NASP: variants seen among roughly 807,000 people sequenced by gnomAD.
NASP encodes the protein NASP histone chaperone.
In NASP, 24 loss-of-function variants were observed where a neutral mutation model predicts 89.5. The observed-to-expected ratio is 0.27, with a 90% CI of 0.19 to 0.38. NASP has a LOEUF of 0.38. Among genes scored for constraint, NASP ranks in the 10% least tolerant of loss-of-function variants. The pLI, the probability that NASP is intolerant of heterozygous loss-of-function variation, is 1.00. For synonymous variants in NASP, 306 were observed against 324.7 expected (o/e 0.94, Z 0.62); for missense variants, 848 against 921.4 (o/e 0.92, Z 1.03).
chr1:45,586,268 GTGTGTGTGTGTGTGTGGTGTGT>G (rs1196085834), intron 1 of NASP, among the ~76,000 whole-genome samples: 8 of 63,888 alleles, frequency 1.3e-4, no homozygotes, highest in Non-Finnish European at 1.9e-4. Flanking sequence ...GTGTGTGTGT[GTGTGTGTGTGTGTGTGGTGTGT>G]GTGTGTGTGT....
intron 2 of NASP, among the ~76,000 whole-genome samples, chr1:45,597,353 G>A (rs1643725928): frequency 6.8e-6 from 1 of 146,966 alleles, no homozygotes. Flanking sequence ...GGGTTTGGGT[G>A]TGGTAACAGA....
At chr1:45,597,017 T>G (rs1643714652) in intron 2 of NASP, among the ~76,000 whole-genome samples, 1 of 151,746 alleles carries the variant, frequency 6.6e-6, no homozygotes, top group African/African-American at 2.4e-5. Context: ...AAAAAGAAAT[T>G]ACCACTTGTT....
chr1:45,586,674 GTTAGTGGGGACAC>G (rs1644556172), intron 1 of NASP, among the ~76,000 whole-genome samples: 1 of 152,178 alleles, frequency 6.6e-6, no homozygotes, highest in Non-Finnish European at 1.5e-5. Flanking sequence ...AGTTAAGTAA[GTTAGTGGGGACAC>G]TTAGAGGTAA....
chr1:45,607,668 G>C lies in NASP; in HGVS notation c.757G>C (p.Glu253Gln), dbSNP rs769257156. The C allele has an allele frequency of 3.7e-6, 6 of 1,614,046 alleles. No individual in the cohort carries two copies. In the African/African-American group the frequency reaches 5.3e-5, roughly 14 times the overall value. Residue 253 changes from glutamate (E) to glutamine (Q), a missense_variant, in exon 6 of 15, where the codon GAG (glutamate) becomes CAG (glutamine). Glu to Gln is a conservative substitution (Grantham distance 29). Transcript: ENST00000350030. The stretch of plus-strand genomic sequence containing the variant: ...AGTTTCTGGAACTGATGTCCAAGAA[G>C]AGTGCAGAGAAAAAGGAGGTCAGGA... ...KSVSGTDVQE[E>Q]CREKGGQEKQ...
intron 2 of NASP, among the ~76,000 whole-genome samples, chr1:45,599,802 G>C (rs1337475043): frequency 6.6e-6 from 1 of 152,120 alleles, no homozygotes; most frequent in East Asian, 1.9e-4. Context: ...ATGTGATGCT[G>C]CTCTCTCCCT....
intron 2 of NASP, among the ~76,000 whole-genome samples, chr1:45,595,274 T>G (rs1345277786): frequency 6.6e-6 from 1 of 151,986 alleles, no homozygotes; most frequent in Non-Finnish European, 1.5e-5. Context: ...CCTCCTGAGT[T>G]GTTGGAATTA....
At chr1:45,587,661 CATATAT>C (rs1553169239) in intron 1 of NASP, among the ~76,000 whole-genome samples, 1 of 6,394 alleles carries the variant, frequency 1.6e-4, no homozygotes, top group African/African-American at 7.2e-4. Flanking sequence ...TGAGTTTTTT[CATATAT>C]ATATATATAT....
At chr1:45,600,302 C>G in intron 2 of NASP, 1 of 1,028,272 alleles carries the variant, frequency 9.7e-7, no homozygotes, top group Non-Finnish European at 1.3e-6. Flanking sequence ...ACCTGTAAAC[C>G]ATTATCACAA....
intron 6 of NASP, among the ~76,000 whole-genome samples, chr1:45,609,016 C>T (rs1643957310): frequency 6.6e-6 from 1 of 152,012 alleles, no homozygotes; most frequent in Non-Finnish European, 1.5e-5. Flanking sequence ...TGTTTTCCTT[C>T]CTCATTTCAT....
In NASP at chr1:45,618,892, T is replaced by A. The variant is rs1052648176; in HGVS notation, c.*751T>A. On this transcript the variant is annotated 3_prime_UTR_variant, in exon 15 of 15. Transcript: ENST00000350030. The stretch of plus-strand genomic sequence containing the variant: ...ACTTCTCAAATAAAGATGCTAAAAA[T>A]CTCCTTGTCTGGAATTATGTTTAAA... The A allele has an allele frequency of 6.6e-6, 1 of 152,126 alleles. No individual in the cohort carries two copies. The highest frequency in any genetic ancestry group is 1.9e-4 in the East Asian group (1 of 5,194). The allele number at this position is 152,126 out of a possible 1,614,324, so 9.4% of individuals were successfully genotyped here. A position where few individuals can be genotyped will look rare whatever the true frequency, so the allele number is the denominator to read the frequency against.
In NASP at chr1:45,588,959, GTT is replaced by G. The variant is rs1395290787; in HGVS notation, c.60-2262_60-2261del. The G allele has an allele frequency of 2.0e-3, 31 of 15,364 alleles. 1 individual carries two copies. Among genetic ancestry groups the G allele is most frequent in the South Asian group, 0.015 (19 of 1,302 alleles). 1.0% of individuals were successfully genotyped at this position (15,364 alleles called of 1,614,324 possible). On this transcript the variant is annotated intron_variant, in intron 1 of 14. Coordinates refer to ENST00000350030, the MANE Select transcript of NASP (RefSeq NM_002482.4). Reference sequence around the variant, plus strand: ...AATGAGCAGTAGCAGGTGGTCAAGTGTTTGTTTGTTTGTTTGTTTGTTTGTGA... The same window carrying G: ...AATGAGCAGTAGCAGGTGGTCAAGTGTGTTTGTTTGTTTGTTTGTTTGTGA...
chr1:45,598,785 T>C (rs989719064), intron 2 of NASP, among the ~76,000 whole-genome samples: 11 of 152,238 alleles, frequency 7.2e-5, no homozygotes, highest in African/African-American at 2.7e-4. Context: ...TCTAGAACTT[T>C]TCATCTAGAT....
At chr1:45,599,953 ATTTTTTT>A (rs11302173) in intron 2 of NASP, among the ~76,000 whole-genome samples, 39 of 79,076 alleles carry the variant, frequency 4.9e-4, no homozygotes, top group Admixed American at 1.7e-3. Flanking sequence ...TTTCCTCTGT[ATTTTTTT>A]TTTTTTTTTT....
Position 45,608,031 on chromosome 1 carries a change from C to T in NASP, c.1120C>T (p.Leu374Phe), listed in dbSNP as rs1274376891. The change falls in exon 6 of 15, where the codon CTC becomes TTC. Residue 374 changes from leucine (L) to phenylalanine (F), a missense_variant. Transcript: ENST00000350030. ...SEKPGQEAPV[L>F]PKDGAVNGPS... Reference sequence around the variant, plus strand: ...AAAGCCTGGGCAGGAGGCTCCAGTTCTCCCTAAGGATGGTGCAGTCAATGG... The same window carrying T: ...AAAGCCTGGGCAGGAGGCTCCAGTTTTCCCTAAGGATGGTGCAGTCAATGG... The T allele has an allele frequency of 6.2e-7, 1 of 1,613,998 alleles. No homozygotes were observed. Among genetic ancestry groups the T allele is most frequent in the Non-Finnish European group, 8.5e-7 (1 of 1,179,910 alleles).
At chr1:45,597,266 C>T (rs556269568) in intron 2 of NASP, among the ~76,000 whole-genome samples, 1 of 145,502 alleles carries the variant, frequency 6.9e-6, no homozygotes, top group East Asian at 2.0e-4. Flanking sequence ...GAGATCGTGC[C>T]ACTGCACTCT....
intron 9 of NASP, among the ~76,000 whole-genome samples, 187 bp downstream of exon 9, chr1:45,614,553 T>G (rs1001193819): frequency 2.0e-4 from 31 of 152,128 alleles, no homozygotes; most frequent in Admixed American, 3.3e-4. Context: ...GTTTTGTTTT[T>G]TTTGAGATGG....
intron 2 of NASP, among the ~76,000 whole-genome samples, chr1:45,595,824 T>C (rs907710189): frequency 6.6e-6 from 1 of 152,238 alleles, no homozygotes; most frequent in Non-Finnish European, 1.5e-5. Flanking sequence ...TAAGGTAACC[T>C]GGCAAAATAG....
At chr1:45,613,324 A>C (rs1644048737) in intron 7 of NASP, 76 bp downstream of exon 7, 1 of 1,500,324 alleles carries the variant, frequency 6.7e-7, no homozygotes. Context: ...CTTGTTGCCT[A>C]GGCTGGATTG....
intron 1 of NASP, among the ~76,000 whole-genome samples, chr1:45,590,505 G>A (rs909290818): frequency 4.7e-5 from 7 of 148,690 alleles, no homozygotes; most frequent in East Asian, 2.0e-4. Flanking sequence ...GCCGGAGATC[G>A]TGCCAGGGCA....
Sources: allele counts gnomAD v4.1 joint callset (sites outside exome capture counted in the v4.1 genomes callset), GRCh38; gene constraint gnomAD v4.1.1; transcripts MANE v1.5; gene names NCBI Gene and HGNC (gene_info 2026-07-23, HGNC 2026-07-21).